The following RGPD2 variants were observed in gnomAD, a reference collection of about 807,000 sequenced individuals.
RGPD2 encodes RANBP2-like and GRIP domain-containing protein 2.
Under a neutral mutation model 36.0 loss-of-function variants are expected in RGPD2, and 2 were observed. The observed-to-expected ratio is 0.06, with a 90% CI of 0.02 to 0.17. The LOEUF is 0.17. Ranked by LOEUF, RGPD2 falls within the 10% of genes least tolerant of loss-of-function variation. The probability of loss-of-function intolerance (pLI) is 1.00; values close to 1 mark genes in which losing one functional copy is unlikely to be tolerated. For missense variants in RGPD2, 40 were observed against 464.3 expected (o/e 0.09, Z 8.40); for synonymous variants, 19 against 163.8 (o/e 0.12, Z 6.75).
At chr2:87,961,724 C>T in the RGPD2 span, among the ~76,000 whole-genome samples, 1 of 132,098 alleles carries the variant, frequency 7.6e-6, no homozygotes, top group Admixed American at 8.0e-5. Context: ...AGCGCATTCT[C>T]AAATCCCGCA....
the RGPD2 span, among the ~76,000 whole-genome samples, chr2:87,840,619 C>T: frequency 1.3e-5 from 2 of 151,356 alleles, no homozygotes; most frequent in Admixed American, 6.6e-5. Flanking sequence ...AAAGGTAAAA[C>T]TGTTAATAAG....
At chr2:87,972,798 G>C in the RGPD2 span, 28 of 1,611,586 alleles carry the variant, frequency 1.7e-5, no homozygotes, top group Non-Finnish European at 2.1e-5. Context: ...AGGGAGACTG[G>C]CTGCTGCACC....
Position 87,772,152 on chromosome 2 carries a change from ACT to A in RGPD2, c.5236+15_5236+16del. 1.4e-6 allele frequency: 1 copy of A among 723,698 alleles called. No homozygotes were observed. The highest frequency in any genetic ancestry group is 1.6e-5 in the South Asian group (1 of 62,898). The allele number at this position is 723,698 out of a possible 1,614,324, so 44.8% of individuals were successfully genotyped here. On this transcript the variant is annotated intron_variant, in intron 22 of 22. Coordinates refer to ENST00000398146, the MANE Select transcript of RGPD2 (RefSeq NM_001078170.3). Reference sequence around the variant, plus strand: ...TAAGTTAGAAGTCAGAAGTTCTGAGACTCTCCTTTTACCCACCTTGAGCAACC... The same window carrying A: ...TAAGTTAGAAGTCAGAAGTTCTGAGACTCCTTTTACCCACCTTGAGCAACC...
chr2:87,957,424 T>C, the RGPD2 span, among the ~76,000 whole-genome samples: 1 of 151,872 alleles, frequency 6.6e-6, no homozygotes, highest in Non-Finnish European at 1.5e-5. Flanking sequence ...CAGAAATGTA[T>C]TGCACAGTTT....
At chr2:87,877,805 A>C in the RGPD2 span, among the ~76,000 whole-genome samples, 2 of 13,520 alleles carry the variant, frequency 1.5e-4, no homozygotes, top group African/African-American at 6.4e-4. Flanking sequence ...ACTCCGTCTC[A>C]AAAAAAAAAA....
At chr2:87,871,721 C>T in the RGPD2 span, among the ~76,000 whole-genome samples, 4 of 151,480 alleles carry the variant, frequency 2.6e-5, no homozygotes, top group South Asian at 2.1e-4. Flanking sequence ...CAAAATTAGC[C>T]GGGCGTGGTG....
At chr2:87,884,691 G>C in the RGPD2 span, among the ~76,000 whole-genome samples, 1 of 151,626 alleles carries the variant, frequency 6.6e-6, no homozygotes, top group East Asian at 1.9e-4. Context: ...AAAACACCTG[G>C]AAGAAATGAA....
At chr2:87,886,940 G>C in the RGPD2 span, among the ~76,000 whole-genome samples, 1 of 151,460 alleles carries the variant, frequency 6.6e-6, no homozygotes, top group African/African-American at 2.4e-5. Flanking sequence ...AATCTACCTG[G>C]GATATGCCTG....
the RGPD2 span, among the ~76,000 whole-genome samples, chr2:87,983,213 G>T: frequency 6.6e-6 from 1 of 152,180 alleles, no homozygotes; most frequent in African/African-American, 2.4e-5. Context: ...CCAGCTACTC[G>T]GGAGGCTGAG....
chr2:87,961,230 T>TA, the RGPD2 span, among the ~76,000 whole-genome samples: 3 of 152,158 alleles, frequency 2.0e-5, no homozygotes, highest in South Asian at 2.1e-4. Flanking sequence ...AAAGTTAATT[T>TA]AAAAAAATGG....
chr2:87,860,768 A>T, the RGPD2 span, among the ~76,000 whole-genome samples: 2 of 151,872 alleles, frequency 1.3e-5, no homozygotes, highest in East Asian at 1.9e-4. Flanking sequence ...ACATCCGTGC[A>T]TGTCTGTTTA....
chr2:87,933,497 C>A, the RGPD2 span, among the ~76,000 whole-genome samples: 1 of 148,080 alleles, frequency 6.8e-6, no homozygotes, highest in African/African-American at 2.5e-5. Context: ...ATTGGGGAAA[C>A]AATCAGTAGA....
chr2:87,855,013 C>T, the RGPD2 span, among the ~76,000 whole-genome samples: 104 of 150,532 alleles, frequency 6.9e-4, no homozygotes, highest in African/African-American at 2.4e-3. Flanking sequence ...TGTGTGTGTG[C>T]GTGTGTGTGT....
At chr2:87,898,715 T>G in the RGPD2 span, among the ~76,000 whole-genome samples, 1 of 148,478 alleles carries the variant, frequency 6.7e-6, no homozygotes, top group East Asian at 2.0e-4. Context: ...CTGCTGGCAC[T>G]CACTTTTTGT....
chr2:87,805,636 G>T (rs1461854214), intron 7 of RGPD2, among the ~76,000 whole-genome samples: 4 of 151,778 alleles, frequency 2.6e-5, no homozygotes, highest in East Asian at 1.9e-4. Context: ...GAGGCAGGTG[G>T]ATGACTAGGT....
the RGPD2 span, among the ~76,000 whole-genome samples, chr2:87,834,031 CA>C: frequency 1.3e-5 from 1 of 77,336 alleles, no homozygotes; most frequent in African/African-American, 5.1e-5. Context: ...AATATAGATG[CA>C]AAAAAATTTA....
At chr2:87,853,591 A>G in the RGPD2 span, among the ~76,000 whole-genome samples, 4,135 of 124,048 alleles carry the variant, frequency 0.033, no homozygotes, top group Middle Eastern at 0.052. Context: ...TCCAACTTTT[A>G]ATTGGTGATG....
At chr2:87,846,183 A>G in the RGPD2 span, among the ~76,000 whole-genome samples, 1 of 151,730 alleles carries the variant, frequency 6.6e-6, no homozygotes, top group Non-Finnish European at 1.5e-5. Context: ...CCTCATTGGT[A>G]TATAATTCAC....
At chr2:87,927,988 CTG>C in the RGPD2 span, among the ~76,000 whole-genome samples, 1 of 108,328 alleles carries the variant, frequency 9.2e-6, no homozygotes, top group East Asian at 2.6e-4. Flanking sequence ...TTATTTGTAA[CTG>C]TTCCTTATAT....
Sources: allele counts gnomAD v4.1 joint callset (sites outside exome capture counted in the v4.1 genomes callset), GRCh38; gene constraint gnomAD v4.1.1; transcripts MANE v1.5; gene names NCBI Gene and HGNC (gene_info 2026-07-23, HGNC 2026-07-21).